Variants in DCC observed in about 807,000 individuals in gnomAD.
DCC encodes the protein netrin receptor DCC.
A neutral mutation model predicts 172.5 loss-of-function variants in DCC; 58 were observed. The ratio of observed to expected loss-of-function variants is 0.34; its 90% confidence interval spans 0.27 to 0.42. The LOEUF (loss-of-function observed/expected upper bound fraction) is 0.42, where lower values mean the gene tolerates loss of function less well. Among genes scored for constraint, DCC ranks in the 10% least tolerant of loss-of-function variants. The pLI, the probability that DCC is intolerant of heterozygous loss-of-function variation, is 1.00. For synonymous variants in DCC, 709 were observed against 644.5 expected (o/e 1.10, Z -1.52); for missense variants, 1,740 against 1,791.0 (o/e 0.97, Z 0.51).
At chr18:52,788,176 T>C (rs1224923546) in intron 2 of DCC, among the ~76,000 whole-genome samples, 2 of 152,214 alleles carry the variant, frequency 1.3e-5, no homozygotes. Flanking sequence ...TTATATCAAA[T>C]TTAAGATAAT....
At chr18:52,932,195 T>C (rs996889030) in intron 5 of DCC, among the ~76,000 whole-genome samples, 7 of 152,158 alleles carry the variant, frequency 4.6e-5, no homozygotes, top group Non-Finnish European at 5.9e-5. Flanking sequence ...AGTGGTATTT[T>C]TCCATTCTTA....
At chr18:52,868,232 C>T (rs529554120) in intron 2 of DCC, among the ~76,000 whole-genome samples, 49 of 152,088 alleles carry the variant, frequency 3.2e-4, no homozygotes, top group African/African-American at 1.2e-3. Context: ...CTAATAGCAG[C>T]CTAATAGCCT....
chr18:53,160,464 C>T (rs151075383), intron 8 of DCC, among the ~76,000 whole-genome samples: 5 of 152,300 alleles, frequency 3.3e-5, no homozygotes, highest in African/African-American at 9.6e-5. Flanking sequence ...TATTTGCTGA[C>T]TTGCATCAAT....
intron 1 of DCC, among the ~76,000 whole-genome samples, chr18:52,706,031 A>G (rs1417390070): frequency 6.6e-6 from 1 of 152,188 alleles, no homozygotes; most frequent in African/African-American, 2.4e-5. Flanking sequence ...AAATTTTAGG[A>G]TGCTGACAGC....
At chr18:52,479,659 A>G (rs2029882043) in intron 1 of DCC, among the ~76,000 whole-genome samples, 1 of 148,260 alleles carries the variant, frequency 6.7e-6, no homozygotes, top group African/African-American at 2.5e-5. Context: ...TTCCAAAATT[A>G]TGATTGTTAG....
intron 1 of DCC, among the ~76,000 whole-genome samples, chr18:52,704,234 T>C (rs2036170591): frequency 6.6e-6 from 1 of 152,134 alleles, no homozygotes; most frequent in Admixed American, 6.6e-5. Flanking sequence ...CATCTAACAC[T>C]GAAGGAAAAT....
intron 7 of DCC, among the ~76,000 whole-genome samples, chr18:53,086,601 CTTCTTCTTCTTCT>C (rs1468737413): frequency 2.6e-5 from 1 of 38,002 alleles, no homozygotes; most frequent in Admixed American, 1.9e-4. Context: ...TCTTCTTCTT[CTTCTTCTTCTTCT>C]TTCTTCTTCT....
chr18:52,493,256 G>A (rs1457744752), intron 1 of DCC, among the ~76,000 whole-genome samples: 2 of 152,010 alleles, frequency 1.3e-5, no homozygotes, highest in East Asian at 3.9e-4. Flanking sequence ...ATTTACATGA[G>A]CTCACAGGAA....
At chr18:52,696,136 A>G (rs2036008013) in intron 1 of DCC, among the ~76,000 whole-genome samples, 1 of 152,224 alleles carries the variant, frequency 6.6e-6, no homozygotes, top group African/African-American at 2.4e-5. Context: ...ACTTAAAACA[A>G]TTTTCAGAAT....
intron 12 of DCC, among the ~76,000 whole-genome samples, chr18:53,264,680 C>G (rs1250967214): frequency 6.6e-6 from 1 of 151,958 alleles, no homozygotes; most frequent in Non-Finnish European, 1.5e-5. Flanking sequence ...CAGTGGAAGA[C>G]AGACCTGCTG....
At chr18:52,859,146 A>G (rs1422498675) in intron 2 of DCC, among the ~76,000 whole-genome samples, 2 of 151,866 alleles carry the variant, frequency 1.3e-5, no homozygotes, top group Non-Finnish European at 2.9e-5. Context: ...AAAAAAAATT[A>G]AAATTATAAT....
chr18:53,157,663 G>A (rs577628915), intron 8 of DCC, 151 bp downstream of exon 8: 1 of 808,264 alleles, frequency 1.2e-6, no homozygotes, highest in East Asian at 2.7e-5. Flanking sequence ...GTGGAGATGT[G>A]CACTTTTAAA....
intron 2 of DCC, among the ~76,000 whole-genome samples, chr18:52,755,717 T>A (rs2037066689): frequency 6.6e-6 from 1 of 152,120 alleles, no homozygotes; most frequent in African/African-American, 2.4e-5. Context: ...TTTGCTTGGG[T>A]AAAACAACAA....
intron 15 of DCC, among the ~76,000 whole-genome samples, chr18:53,354,762 A>G (rs1408816728): frequency 6.9e-6 from 1 of 145,102 alleles, no homozygotes; most frequent in Non-Finnish European, 1.5e-5. Flanking sequence ...CTTTAGTTTA[A>G]TTAGATTCCA....
intron 1 of DCC, among the ~76,000 whole-genome samples, chr18:52,570,756 A>T (rs2033274181): frequency 6.6e-6 from 1 of 152,202 alleles, no homozygotes; most frequent in South Asian, 2.1e-4. Context: ...GATTTGGTAG[A>T]CATGAGCTTG....
At chr18:52,355,059 A>G (rs1026944359) in intron 1 of DCC, among the ~76,000 whole-genome samples, 1 of 152,210 alleles carries the variant, frequency 6.6e-6, no homozygotes, top group Non-Finnish European at 1.5e-5. Context: ...AAGATAAAGT[A>G]GGTGAATAAT....
intron 1 of DCC, among the ~76,000 whole-genome samples, chr18:52,460,629 A>G (rs1988600799): frequency 6.6e-6 from 1 of 152,216 alleles, no homozygotes; most frequent in Non-Finnish European, 1.5e-5. Context: ...ATAGCCTAGT[A>G]CACACCTAGG....
chr18:52,795,092 G>GT (rs569693569), intron 2 of DCC, among the ~76,000 whole-genome samples: 138 of 151,966 alleles, frequency 9.1e-4, no homozygotes, highest in African/African-American at 3.1e-3. Flanking sequence ...AGGTTTTTGT[G>GT]TTTTTTTAAA....
At chr18:52,415,875 A>G (rs1179205049) in intron 1 of DCC, among the ~76,000 whole-genome samples, 4 of 151,982 alleles carry the variant, frequency 2.6e-5, no homozygotes, top group African/African-American at 9.7e-5. Context: ...TATTTCCTTC[A>G]GTTCTACTCT....
Sources: allele counts gnomAD v4.1 joint callset (sites outside exome capture counted in the v4.1 genomes callset), GRCh38; gene constraint gnomAD v4.1.1; transcripts MANE v1.5; gene names NCBI Gene and HGNC (gene_info 2026-07-23, HGNC 2026-07-21).